The following ZNF678 variants were observed in gnomAD, a reference collection of about 807,000 sequenced individuals.
The protein encoded by ZNF678 is hypothetical protein MGC42493.
ZNF678 carries 5 observed loss-of-function variants against 3.0 expected under a neutral mutation model. The ratio of observed to expected loss-of-function variants is 1.69; its 90% CI spans 0.88 to 3.56. ZNF678 has a LOEUF of 3.56. Ranked by LOEUF, ZNF678 falls within the 30% of genes most tolerant of loss-of-function variation. The probability of loss-of-function intolerance (pLI) is 0.00; values close to 1 mark genes in which losing one functional copy is unlikely to be tolerated. For missense variants in ZNF678, 593 were observed against 605.0 expected (o/e 0.98, Z 0.21); for synonymous variants, 218 against 199.6 (o/e 1.09, Z -0.78).
intron 5 of ZNF678, among the ~76,000 whole-genome samples, chr1:227,671,636 A>G (rs1659603280): frequency 6.6e-6 from 1 of 152,168 alleles, no homozygotes; most frequent in South Asian, 2.1e-4. Context: ...TCTCAGGGTT[A>G]CCACATCTAT....
intron 5 of ZNF678, among the ~76,000 whole-genome samples, chr1:227,669,227 ATAG>A (rs1180272587): frequency 6.6e-6 from 1 of 152,250 alleles, no homozygotes; most frequent in African/African-American, 2.4e-5. Context: ...TAGAGAATGA[ATAG>A]TGCCATACAA....
At chr1:227,589,446 A>G (rs1370019333) in intron 1 of ZNF678, among the ~76,000 whole-genome samples, 1 of 151,694 alleles carries the variant, frequency 6.6e-6, no homozygotes, top group African/African-American at 2.4e-5. Flanking sequence ...TCGAGGATCA[A>G]ATGGCTGTGT....
chr1:227,616,576 A>G (rs1043955218), intron 1 of ZNF678, among the ~76,000 whole-genome samples: 3 of 152,226 alleles, frequency 2.0e-5, no homozygotes, highest in African/African-American at 7.2e-5. Flanking sequence ...AAATTTTTCT[A>G]AGGTGAAAGG....
rs145388453 is a variant in ZNF678 at position 227,659,709 on chromosome 1, A to G, written c.*3881A>G. 270 of 152,294 alleles carry G rather than the reference A, an allele frequency of 1.8e-3. 1 individual carries two copies. The highest frequency in any genetic ancestry group is 6.1e-3 in the African/African-American group (253 of 41,564). 9.4% of individuals were successfully genotyped at this position (152,294 alleles called of 1,614,324 possible). A position where few individuals can be genotyped will look rare whatever the true frequency, so the allele number is the denominator to read the frequency against. On this transcript the variant is annotated 3_prime_UTR_variant, in exon 4 of 4. Transcript: ENST00000343776. ...CAGACTCAGTATTTGGAGCATTGCT[A>G]TCGCTCCATGATGTGTTTAAAAATT...
At chr1:227,631,135 G>A (rs1204358268) in intron 1 of ZNF678, among the ~76,000 whole-genome samples, 4 of 151,978 alleles carry the variant, frequency 2.6e-5, no homozygotes, top group Admixed American at 6.5e-5. Flanking sequence ...TGGAGGGAAC[G>A]TTTCCCATCT....
chr1:227,579,482 T>TG lies in ZNF678; in HGVS notation c.-164+15765dup, dbSNP rs547904113. Among the ~76,000 whole-genome samples, 539 of 151,936 alleles carry TG rather than the reference T, an allele frequency of 3.5e-3. 3 individuals are homozygous for TG. Among genetic ancestry groups the TG allele is most frequent in the South Asian group, 0.021 (99 of 4,788 alleles). Reference sequence around the variant, plus strand: ...AGGCTGAATCTGCAATGGTGGTTGGTGGGGGGGTCCACCAGCACAGGTGGA... The same window carrying TG: ...AGGCTGAATCTGCAATGGTGGTTGGTGGGGGGGGTCCACCAGCACAGGTGGA... On this transcript the variant is annotated intron_variant, in intron 1 of 3. Coordinates refer to ENST00000343776, the MANE Select transcript of ZNF678 (RefSeq NM_001367909.1).
At chr1:227,641,309 C>T (rs990938414) in intron 1 of ZNF678, among the ~76,000 whole-genome samples, 4 of 152,160 alleles carry the variant, frequency 2.6e-5, no homozygotes, top group Non-Finnish European at 5.9e-5. Flanking sequence ...TTTTAATGAG[C>T]GCCTGGATGC....
At chr1:227,598,661 C>T in intron 1 of ZNF678, 1 of 541,226 alleles carries the variant, frequency 1.8e-6, no homozygotes, top group Non-Finnish European at 3.4e-6. Flanking sequence ...CCTTTTCTTT[C>T]TCCGTTGCAT....
intron 1 of ZNF678, among the ~76,000 whole-genome samples, chr1:227,645,166 C>T (rs1272456669): frequency 6.6e-6 from 1 of 152,180 alleles, no homozygotes; most frequent in Non-Finnish European, 1.5e-5. Context: ...GCTTTTTCTG[C>T]ATTTCAAGGT....
intron 1 of ZNF678, among the ~76,000 whole-genome samples, chr1:227,598,181 G>T (rs1379210091): frequency 6.6e-6 from 1 of 152,150 alleles, no homozygotes; most frequent in Non-Finnish European, 1.5e-5. Flanking sequence ...CCACTAGTCT[G>T]ACTGCAGAGT....
At chr1:227,598,543 T>C (rs1188698092) in intron 1 of ZNF678, 9 of 1,043,946 alleles carry the variant, frequency 8.6e-6, no homozygotes, top group Non-Finnish European at 1.2e-5. Flanking sequence ...CTGCTTTTCT[T>C]CTTTTTTGCT....
intron 1 of ZNF678, among the ~76,000 whole-genome samples, chr1:227,641,831 G>C (rs923984465): frequency 6.6e-6 from 1 of 151,844 alleles, no homozygotes; most frequent in Non-Finnish European, 1.5e-5. Context: ...GGCATCTTCA[G>C]ACCCAAAACT....
chr1:227,631,379 A>T (rs1658544217), intron 1 of ZNF678, among the ~76,000 whole-genome samples: 1 of 152,184 alleles, frequency 6.6e-6, no homozygotes, highest in African/African-American at 2.4e-5. Context: ...ATCCTTTACC[A>T]GTGTGCCCAA....
chr1:227,563,796 C>T (rs1053930431), intron 1 of ZNF678, 72 bp downstream of exon 1: 4 of 1,276,600 alleles, frequency 3.1e-6, no homozygotes, highest in African/African-American at 3.1e-5. Context: ...GTCCGCGGCC[C>T]GGAGTCCCGG....
chr1:227,633,128 G>A (rs531971216), intron 1 of ZNF678, among the ~76,000 whole-genome samples: 6 of 152,176 alleles, frequency 3.9e-5, no homozygotes, highest in Non-Finnish European at 8.8e-5. Flanking sequence ...TGCCGGATCC[G>A]GAGGGGTGGA....
At chr1:227,572,015 G>A (rs1316377460) in intron 1 of ZNF678, among the ~76,000 whole-genome samples, 1 of 152,086 alleles carries the variant, frequency 6.6e-6, no homozygotes, top group African/African-American at 2.4e-5. Context: ...GCACTCCAGC[G>A]TGGGCAACAG....
chr1:227,648,593 A>G (rs1365348536), intron 2 of ZNF678, among the ~76,000 whole-genome samples: 4 of 152,212 alleles, frequency 2.6e-5, no homozygotes, highest in Admixed American at 6.5e-5. Context: ...CAAGGTGCGC[A>G]GATCACTTGT....
At chr1:227,580,218 C>G (rs1441523884) in intron 1 of ZNF678, among the ~76,000 whole-genome samples, 1 of 152,138 alleles carries the variant, frequency 6.6e-6, no homozygotes, top group African/African-American at 2.4e-5. Context: ...TGTCCACTCT[C>G]AGCGCCTTTC....
chr1:227,677,953 A>G (rs544790427), downstream of ZNF678, among the ~76,000 whole-genome samples: 1 of 152,346 alleles, frequency 6.6e-6, no homozygotes, highest in Non-Finnish European at 1.5e-5. Flanking sequence ...GTAGACCAAG[A>G]ACCAAAAGTA....
Sources: allele counts gnomAD v4.1 joint callset (sites outside exome capture counted in the v4.1 genomes callset), GRCh38; gene constraint gnomAD v4.1.1; transcripts MANE v1.5; gene names NCBI Gene and HGNC (gene_info 2026-07-23, HGNC 2026-07-21).